CNGB1: variants seen among roughly 807,000 people sequenced by gnomAD.
CNGB1 encodes the protein cyclic nucleotide gated channel subunit beta 1.
In CNGB1, 126 loss-of-function variants were observed where a neutral mutation model predicts 151.7. The observed-to-expected ratio is 0.83, with a 90% CI of 0.72 to 0.96. The LOEUF (loss-of-function observed/expected upper bound fraction) is 0.96. Among genes scored for constraint, CNGB1 ranks in the 40% least tolerant of loss-of-function variants. The pLI is 0.00. For missense variants in CNGB1, 1,698 were observed against 1,627.0 expected (o/e 1.04, Z -0.75); for synonymous variants, 623 against 635.1 (o/e 0.98, Z 0.29).
chr16:57,959,973 C>T lies in CNGB1; in HGVS notation c.676G>A (p.Glu226Lys). 2 of 1,590,342 alleles carry T rather than the reference C, an allele frequency of 1.3e-6. No homozygotes were observed. The highest frequency in any genetic ancestry group is 1.3e-5 in the African/African-American group (1 of 74,746). ...PTPIPLQPKEEPKEAPAPEPQ... is the reference protein window; with the variant it reads ...PTPIPLQPKEKPKEAPAPEPQ... ...TCTGGAGCTGGTGCCTCCTTGGGTT[C>T]CTCCTTGGGCTGCAGGGGGATGGGT... is the stretch of plus-strand genomic sequence containing the variant. Residue 226 changes from glutamate to lysine, a missense_variant, in exon 10 of 33, where the codon GAA becomes AAA. Physicochemically the swap from Glu to Lys is moderately conservative, Grantham distance 56. Transcript: ENST00000251102.
intron 18 of CNGB1, 39 bp downstream of exon 18, chr16:57,923,233 CG>C (rs1181643199): frequency 9.2e-6 from 13 of 1,406,922 alleles, no homozygotes; most frequent in South Asian, 4.7e-5. Flanking sequence ...CCACCCTCCC[CG>C]CAGTCTTTCA....
chr16:57,941,415 G>A (rs1961664247), intron 14 of CNGB1, among the ~76,000 whole-genome samples: 1 of 152,206 alleles, frequency 6.6e-6, no homozygotes, highest in Non-Finnish European at 1.5e-5. Flanking sequence ...GCAGGAAGGT[G>A]GAGACGGGAT....
At chr16:57,900,975 G>A (rs1478681805) in intron 29 of CNGB1, among the ~76,000 whole-genome samples, 3 of 152,076 alleles carry the variant, frequency 2.0e-5, no homozygotes, top group Non-Finnish European at 2.9e-5. Flanking sequence ...TGGGAAGATG[G>A]AGACCCCAGA....
intron 4 of CNGB1, 108 bp from the exon 5 acceptor site, chr16:57,963,172 T>A: frequency 1.2e-6 from 1 of 866,294 alleles, no homozygotes; most frequent in Non-Finnish European, 2.0e-6. Flanking sequence ...CACTGTCATC[T>A]GTATGTGTGT....
At chr16:57,894,780 C>G (rs1960179590) in intron 31 of CNGB1, among the ~76,000 whole-genome samples, 1 of 152,086 alleles carries the variant, frequency 6.6e-6, no homozygotes, top group Non-Finnish European at 1.5e-5. Context: ...GAGTGTTGAC[C>G]TTCAGGAACA....
At chr16:57,948,869 C>T (rs1165122334) in intron 14 of CNGB1, among the ~76,000 whole-genome samples, 2 of 152,084 alleles carry the variant, frequency 1.3e-5, no homozygotes, top group African/African-American at 2.4e-5. Flanking sequence ...GGTGGACGAT[C>T]GACCATTACT....
intron 10 of CNGB1, among the ~76,000 whole-genome samples, chr16:57,958,886 T>G (rs1962161997): frequency 6.6e-6 from 1 of 151,562 alleles, no homozygotes; most frequent in South Asian, 2.1e-4. Flanking sequence ...GCCCCCTGAG[T>G]AGTTGGGACT....
chr16:57,960,978 A>C (rs1597013902), intron 7 of CNGB1, 63 bp from the exon 8 acceptor site: 10 of 1,487,886 alleles, frequency 6.7e-6, no homozygotes, highest in East Asian at 4.6e-5. Context: ...CTAACAGCCC[A>C]CCTCGGGGCC....
chr16:57,950,223 T>C (rs887969172), intron 13 of CNGB1, among the ~76,000 whole-genome samples, 158 bp downstream of exon 13: 2 of 152,228 alleles, frequency 1.3e-5, no homozygotes, highest in African/African-American at 4.8e-5. Flanking sequence ...AAGAACCTGG[T>C]AGCCATTCTA....
At chr16:57,960,989 A>G in intron 7 of CNGB1, 74 bp from the exon 8 acceptor site, 1 of 1,397,362 alleles carries the variant, frequency 7.2e-7, no homozygotes, top group Non-Finnish European at 1.0e-6. Context: ...CCTCGGGGCC[A>G]GGCCTCAACC....
chr16:57,886,846 G>T (rs888336360), intron 32 of CNGB1, among the ~76,000 whole-genome samples: 2 of 152,126 alleles, frequency 1.3e-5, no homozygotes, highest in East Asian at 3.9e-4. Context: ...TTGGCATTTT[G>T]CCTGTGTGAG....
At chr16:57,907,242 G>A (rs1960578753) in intron 25 of CNGB1, among the ~76,000 whole-genome samples, 1 of 152,106 alleles carries the variant, frequency 6.6e-6, no homozygotes, top group African/African-American at 2.4e-5. Context: ...TCCCTTCCCT[G>A]AGCTGCCCAG....
In CNGB1 at chr16:57,916,168, C is replaced by T. The variant is rs1348829146; in HGVS notation, c.2178G>A (p.Lys726=). ...VRGGDIITDK[K]DMRNNYLKSR... The stretch of plus-strand genomic sequence containing the variant: ...ACTTCAGGTAGTTATTTCGCATGTC[C>T]TTTTTGTCCGTCTGAAAGAAAGGGA... Residue 726 remains lysine (K), a synonymous_variant, in exon 22 of 33, where the codon AAG becomes AAA. Transcript: ENST00000251102. 1 of 1,613,694 alleles carries T rather than the reference C, an allele frequency of 6.2e-7. No individual in the cohort carries two copies. Among genetic ancestry groups the T allele is most frequent in the African/African-American group, 1.3e-5 (1 of 74,912 alleles).
intron 25 of CNGB1, among the ~76,000 whole-genome samples, chr16:57,910,162 G>A (rs1344799249): frequency 3.9e-5 from 6 of 152,110 alleles, no homozygotes; most frequent in Admixed American, 6.6e-5. Context: ...AGAGGGGGTC[G>A]GACACGCCTC....
intron 10 of CNGB1, among the ~76,000 whole-genome samples, chr16:57,959,605 A>C (rs1379651688): frequency 2.0e-5 from 3 of 151,586 alleles, no homozygotes; most frequent in African/African-American, 4.8e-5. Flanking sequence ...CGGTCTCAAA[A>C]AAACAAACAA....
chr16:57,961,004 A>C, intron 7 of CNGB1, 89 bp from the exon 8 acceptor site: 3 of 1,192,728 alleles, frequency 2.5e-6, no homozygotes, highest in Non-Finnish European at 3.7e-6. Flanking sequence ...TCAACCAGCC[A>C]TTCCGTGCCC....
chr16:57,930,142 T>G (rs1428232546), intron 17 of CNGB1, among the ~76,000 whole-genome samples: 1 of 152,142 alleles, frequency 6.6e-6, no homozygotes, highest in Non-Finnish European at 1.5e-5. Context: ...CCATGTTCAT[T>G]GTAACACTAT....
At chr16:57,903,728 G>A (rs1270095105) in intron 27 of CNGB1, 94 bp downstream of exon 27, 1 of 1,422,818 alleles carries the variant, frequency 7.0e-7, no homozygotes. Flanking sequence ...CAGAGACACA[G>A]AGGACGAGGG....
At chr16:57,886,365 G>A (rs1228098028) in intron 32 of CNGB1, among the ~76,000 whole-genome samples, 1 of 152,180 alleles carries the variant, frequency 6.6e-6, no homozygotes, top group Non-Finnish European at 1.5e-5. Flanking sequence ...TGTACTGGGA[G>A]CACCCTTGGA....
Sources: gnomAD v4.1 joint callset for allele counts (sites outside exome capture counted in the v4.1 genomes callset) on GRCh38, gnomAD v4.1.1 for gene constraint, MANE v1.5 for transcripts, NCBI Gene and HGNC (gene_info 2026-07-23, HGNC 2026-07-21) for gene names.